CREB3L2: variants seen among roughly 807,000 people sequenced by gnomAD.
The protein encoded by CREB3L2 is cyclic AMP-responsive element-binding protein 3-like protein 2.
A neutral mutation model predicts 57.2 loss-of-function variants in CREB3L2; 23 were observed. The ratio of observed to expected loss-of-function variants is 0.40; its 90% CI spans 0.29 to 0.57. CREB3L2 has a LOEUF of 0.57. Ranked by LOEUF, CREB3L2 falls within the 20% of genes least tolerant of loss-of-function variation. CREB3L2 has a pLI of 0.42. For synonymous variants in CREB3L2, 268 were observed against 265.1 expected (o/e 1.01, Z -0.11); for missense variants, 628 against 634.7 (o/e 0.99, Z 0.11).
At chr7:137,958,435 C>T (rs528044660) in intron 1 of CREB3L2, among the ~76,000 whole-genome samples, 1 of 152,020 alleles carries the variant, frequency 6.6e-6, no homozygotes, top group Non-Finnish European at 1.5e-5. Context: ...GAGGCCAGGG[C>T]AGGAGGATCG....
chr7:137,945,022 A>G (rs1027484975), intron 1 of CREB3L2, among the ~76,000 whole-genome samples: 4 of 152,078 alleles, frequency 2.6e-5, no homozygotes, highest in African/African-American at 9.7e-5. Context: ...CCTCCCAAGT[A>G]GCTGGGCTTA....
intron 8 of CREB3L2, among the ~76,000 whole-genome samples, chr7:137,890,122 A>G (rs1387585734): frequency 6.6e-6 from 1 of 152,222 alleles, no homozygotes; most frequent in Non-Finnish European, 1.5e-5. Context: ...AAATATTACT[A>G]TTAAAAGAGA....
intron 1 of CREB3L2, among the ~76,000 whole-genome samples, chr7:137,971,083 C>A (rs10275270): frequency 0.52 from 79,078 of 151,892 alleles, 23,522 homozygotes; most frequent in African/African-American, 0.82. Context: ...ACACAAACTT[C>A]AAGAAAAAAC....
At position 137,955,063 on chromosome 7, in the gene CREB3L2, A is replaced by G. The variant is rs533821434; in HGVS notation, c.103-26697T>C. The stretch of plus-strand genomic sequence containing the variant: ...AGAGACACCATTCTCCCACCACGTT[A>G]ACCTACATTTAAAAGTAAATAATGA... On this transcript the variant is annotated intron_variant, in intron 1 of 11. Coordinates refer to ENST00000330387, the MANE Select transcript of CREB3L2 (RefSeq NM_194071.4). 9.2e-5 allele frequency among the ~76,000 whole-genome samples: 14 copies of G among 152,312 alleles called. No individual in the cohort carries two copies. In the South Asian group the frequency reaches 2.7e-3, roughly 29 times the overall value.
chr7:137,960,888 A>G (rs2117286022), intron 1 of CREB3L2, among the ~76,000 whole-genome samples: 1 of 128,134 alleles, frequency 7.8e-6, no homozygotes, highest in African/African-American at 3.1e-5. Flanking sequence ...ATCTCAGCTC[A>G]CTGCAACCTC....
At chr7:137,930,527 T>C (rs1042640331) in intron 1 of CREB3L2, among the ~76,000 whole-genome samples, 1 of 152,116 alleles carries the variant, frequency 6.6e-6, no homozygotes, top group African/African-American at 2.4e-5. Context: ...AAGATCAGGG[T>C]AGTTGTAGAA....
intron 2 of CREB3L2, chr7:137,922,805 T>C (rs749138536): frequency 1.8e-5 from 4 of 225,986 alleles, no homozygotes; most frequent in South Asian, 1.6e-4. Flanking sequence ...TAAATAAATA[T>C]GCCTCATCTA....
At chr7:137,990,003 A>C (rs1801860240) in intron 1 of CREB3L2, among the ~76,000 whole-genome samples, 1 of 152,174 alleles carries the variant, frequency 6.6e-6, no homozygotes, top group East Asian at 1.9e-4. Flanking sequence ...TCAACTTGTC[A>C]CTATCAATTC....
intron 2 of CREB3L2, among the ~76,000 whole-genome samples, chr7:137,921,118 T>C (rs1337201390): frequency 6.6e-6 from 1 of 152,236 alleles, no homozygotes; most frequent in Non-Finnish European, 1.5e-5. Context: ...CAGTAGACAC[T>C]CCACACCCTC....
chr7:137,962,195 T>C (rs1447201338), intron 1 of CREB3L2, among the ~76,000 whole-genome samples: 1 of 152,168 alleles, frequency 6.6e-6, no homozygotes, highest in African/African-American at 2.4e-5. Flanking sequence ...CACAGACCAT[T>C]GCTTGGGCGA....
At chr7:137,907,301 T>C (rs1290232380) in intron 5 of CREB3L2, among the ~76,000 whole-genome samples, 6 of 152,184 alleles carry the variant, frequency 3.9e-5, no homozygotes, top group Non-Finnish European at 7.3e-5. Flanking sequence ...GCATCCGACA[T>C]GGGGAAGAGT....
At chr7:137,938,875 T>C (rs2117255431) in intron 1 of CREB3L2, among the ~76,000 whole-genome samples, 1 of 152,306 alleles carries the variant, frequency 6.6e-6, no homozygotes, top group African/African-American at 2.4e-5. Flanking sequence ...TGTTTCATTT[T>C]AAGAGCATCT....
At position 137,879,344 on chromosome 7, in the gene CREB3L2, G is replaced by A; in HGVS notation, c.*1132C>T. 2.0e-6 allele frequency: 1 copy of A among 508,300 alleles called. No individual in the cohort carries two copies. The highest frequency in any genetic ancestry group is 3.8e-6 in the Non-Finnish European group (1 of 263,972). 31.5% of individuals were successfully genotyped at this position (508,300 alleles called of 1,614,324 possible). A position where few individuals can be genotyped will look rare whatever the true frequency, so the allele number is the denominator to read the frequency against. ...AGGAGGACAAAGTGGAAGTGTGGAG[G>A]GAGGAGGGGGCCAGGCAGGTGTGGA... On this transcript the variant is annotated 3_prime_UTR_variant, in exon 12 of 12. Transcript: ENST00000330387.
chr7:138,001,931 A>G lies in CREB3L2; in HGVS notation c.-226T>C, dbSNP rs1334648657. ...AGATCCGAGAATCCCCAGGGACACG[A>G]GCCGGACCAAAGGCTGCCGGGGCTA... On this transcript the variant is annotated 5_prime_UTR_variant, in exon 1 of 12. Coordinates refer to ENST00000330387, the MANE Select transcript of CREB3L2 (RefSeq NM_194071.4). This position sits in a 1 kb window ranked among gnomAD's most constrained non-coding sequence, Gnocchi z 4.2. 2.2e-6 allele frequency: 1 copy of G among 450,946 alleles called. No homozygotes were observed. Among genetic ancestry groups the G allele is most frequent in the Non-Finnish European group, 4.0e-6 (1 of 252,896 alleles). 27.9% of individuals were successfully genotyped at this position (450,946 alleles called of 1,614,324 possible). A position where few individuals can be genotyped will look rare whatever the true frequency, so the allele number is the denominator to read the frequency against.
intron 6 of CREB3L2, 44 bp downstream of exon 6, chr7:137,905,658 C>G: frequency 6.2e-7 from 1 of 1,605,470 alleles, no homozygotes; most frequent in Non-Finnish European, 8.5e-7. Flanking sequence ...TGACTCGATT[C>G]TGCTCGTCTC....
chr7:137,979,728 AAACAACAACAACAACAAC>A (rs139819092), intron 1 of CREB3L2, among the ~76,000 whole-genome samples: 9 of 150,374 alleles, frequency 6.0e-5, no homozygotes, highest in African/African-American at 9.8e-5. Context: ...TCCGTCTCAA[AAACAACAACAACAACAAC>A]AACAACAACA....
intron 1 of CREB3L2, among the ~76,000 whole-genome samples, chr7:137,939,847 G>A (rs1010276042): frequency 6.6e-6 from 1 of 152,122 alleles, no homozygotes; most frequent in Non-Finnish European, 1.5e-5. Context: ...GGCCCAGCGG[G>A]GCTTTTTGCC....
chr7:137,888,781 G>A (rs556050680), intron 8 of CREB3L2, among the ~76,000 whole-genome samples: 8 of 152,162 alleles, frequency 5.3e-5, no homozygotes, highest in Non-Finnish European at 1.2e-4. Context: ...GTAAGTGACA[G>A]CTGCCACTTT....
intron 1 of CREB3L2, among the ~76,000 whole-genome samples, chr7:137,970,143 C>G (rs1378677081): frequency 6.6e-6 from 1 of 152,148 alleles, no homozygotes; most frequent in Non-Finnish European, 1.5e-5. Context: ...CCGCAGTCTC[C>G]TCATCTGTAA....
Sources: gnomAD v4.1 joint callset for allele counts (sites outside exome capture counted in the v4.1 genomes callset) on GRCh38, gnomAD v4.1.1 for gene constraint, Gnocchi (gnomAD v3.1) non-coding constraint, MANE v1.5 for transcripts, NCBI Gene and HGNC (gene_info 2026-07-23, HGNC 2026-07-21) for gene names.